The following ADARB2 variants were observed in gnomAD, a reference collection of about 807,000 sequenced individuals.
The protein encoded by ADARB2 is inactive double-stranded RNA-specific editase B2.
Under a neutral mutation model 62.2 loss-of-function variants are expected in ADARB2, and 25 were observed. That is an observed-to-expected ratio of 0.40 (90% CI 0.29 to 0.56). The LOEUF (loss-of-function observed/expected upper bound fraction) is 0.56, where lower values mean the gene tolerates loss of function less well. Among genes scored for constraint, ADARB2 ranks in the 20% least tolerant of loss-of-function variants. The pLI is 0.43. For synonymous variants in ADARB2, 572 were observed against 500.8 expected, an observed-to-expected ratio of 1.14 and a Z score of -1.90; for missense variants, 1,071 against 1,077.4, an observed-to-expected ratio of 0.99 and a Z score of 0.08.
chr10:1,569,768 T>TTTA (rs1554772524), intron 1 of ADARB2, among the ~76,000 whole-genome samples: 36 of 151,898 alleles, frequency 2.4e-4, no homozygotes, highest in African/African-American at 8.5e-4. Flanking sequence ...CATTTTTTTT[T>TTTA]AAAAAAATGT....
chr10:1,328,013 T>TCCTCACAGCACAGCACCTC (rs1172667059), intron 3 of ADARB2, among the ~76,000 whole-genome samples: 2 of 58,656 alleles, frequency 3.4e-5, no homozygotes, highest in Non-Finnish European at 8.4e-5. Flanking sequence ...GCCTCCGCAT[T>TCCTCACAGCACAGCACCTC]CTGGGGGCAC....
At chr10:1,364,444 C>T (rs1352269904) in intron 2 of ADARB2, among the ~76,000 whole-genome samples, 1 of 152,236 alleles carries the variant, frequency 6.6e-6, no homozygotes, top group East Asian at 1.9e-4. Flanking sequence ...GGAGCTGGCC[C>T]AGGTGAGGCA....
intron 4 of ADARB2, among the ~76,000 whole-genome samples, chr10:1,262,690 A>T (rs1037422651): frequency 6.6e-6 from 1 of 152,180 alleles, no homozygotes; most frequent in Non-Finnish European, 1.5e-5. Flanking sequence ...GTGGGACTGT[A>T]AACTAGTTCA....
In ADARB2 at chr10:1,633,515, A is replaced by G. The variant is rs551700768; in HGVS notation, c.100+103536T>C. Among the ~76,000 whole-genome samples the G allele has an allele frequency of 3.6e-5, 5 of 137,988 alleles. No individual in the cohort carries two copies. The East Asian group carries it at 1.1e-3, about 30-fold the overall frequency. 90.5% of individuals were successfully genotyped at this position (137,988 alleles called of 152,430 possible). A position where few individuals can be genotyped will look rare whatever the true frequency, so the allele number is the denominator to read the frequency against. On this transcript the variant is annotated intron_variant, in intron 1 of 9. Coordinates refer to ENST00000381312, the MANE Select transcript of ADARB2 (RefSeq NM_018702.4). ...GAACATCTCAGGTAAGGGATACTCA[A>G]TGAGTGAGTCTGTCTGTCTGTCTGT...
chr10:1,376,571 G>C (rs1832431253), intron 2 of ADARB2, among the ~76,000 whole-genome samples: 1 of 152,184 alleles, frequency 6.6e-6, no homozygotes, highest in African/African-American at 2.4e-5. Context: ...CCTCTCTCAG[G>C]AATCTCACGG....
chr10:1,187,134 G>T (rs1396782187), intron 8 of ADARB2, among the ~76,000 whole-genome samples: 2 of 152,258 alleles, frequency 1.3e-5, no homozygotes, highest in Non-Finnish European at 2.9e-5. Context: ...TCCCGTTCAT[G>T]TCAGCTCTTC....
intron 1 of ADARB2, among the ~76,000 whole-genome samples, chr10:1,566,850 A>C (rs913580747): frequency 1.3e-5 from 2 of 152,202 alleles, no homozygotes; most frequent in African/African-American, 4.8e-5. Context: ...CATTCTTTAA[A>C]ATTCTAACAT....
chr10:1,618,797 T>C (rs1833673879), intron 1 of ADARB2, among the ~76,000 whole-genome samples: 2 of 152,206 alleles, frequency 1.3e-5, no homozygotes, highest in Admixed American at 1.3e-4. Flanking sequence ...GAGAGATCAT[T>C]GTGGCAGGCT....
intron 3 of ADARB2, among the ~76,000 whole-genome samples, chr10:1,308,979 T>C (rs943264787): frequency 1.3e-5 from 2 of 152,218 alleles, no homozygotes; most frequent in Non-Finnish European, 2.9e-5. Flanking sequence ...ATTCCTAAGA[T>C]TTCCTACAGG....
chr10:1,670,039 G>A (rs533170047), intron 1 of ADARB2, among the ~76,000 whole-genome samples: 2 of 152,318 alleles, frequency 1.3e-5, no homozygotes, highest in South Asian at 2.1e-4. Flanking sequence ...ACACTTGACC[G>A]TGTCTCCAGT....
chr10:1,682,211 A>G (rs907197813), intron 1 of ADARB2, among the ~76,000 whole-genome samples: 2 of 152,194 alleles, frequency 1.3e-5, no homozygotes, highest in Admixed American at 6.5e-5. Flanking sequence ...GGAATAAGAG[A>G]GCACTGGGCG....
At chr10:1,628,478 G>C (rs1248297612) in intron 1 of ADARB2, among the ~76,000 whole-genome samples, 11 of 152,230 alleles carry the variant, frequency 7.2e-5, no homozygotes, top group Admixed American at 7.2e-4. Context: ...TTCTACATGA[G>C]AATGACACAG....
chr10:1,588,972 TA>T (rs749082239), intron 1 of ADARB2, among the ~76,000 whole-genome samples: 29 of 152,140 alleles, frequency 1.9e-4, no homozygotes, highest in South Asian at 4.1e-4. Context: ...ATCCACATTT[TA>T]AAAAGCTCCC....
intron 1 of ADARB2, among the ~76,000 whole-genome samples, chr10:1,559,872 C>T (rs1288581891): frequency 1.3e-5 from 2 of 152,324 alleles, no homozygotes; most frequent in East Asian, 1.9e-4. Context: ...TTCTCATCAT[C>T]GCTAGAGATG....
intron 1 of ADARB2, among the ~76,000 whole-genome samples, chr10:1,495,263 G>A (rs1373324124): frequency 6.6e-6 from 1 of 152,198 alleles, no homozygotes; most frequent in Non-Finnish European, 1.5e-5. Context: ...AAAGCAACCA[G>A]TTAGAAGATT....
intron 3 of ADARB2, among the ~76,000 whole-genome samples, chr10:1,288,845 G>A (rs537612451): frequency 2.3e-4 from 35 of 152,286 alleles, no homozygotes; most frequent in African/African-American, 7.2e-4. Context: ...GACATGTGAC[G>A]CGGTTGTCTA....
At chr10:1,240,494 A>T (rs1184014453) in intron 5 of ADARB2, 2 of 152,406 alleles carry the variant, frequency 1.3e-5, no homozygotes, top group Non-Finnish European at 2.9e-5. Context: ...TCTCCACAGG[A>T]AGTCCTTGCG....
intron 4 of ADARB2, among the ~76,000 whole-genome samples, chr10:1,265,504 G>T (rs1029467417): frequency 1.3e-5 from 2 of 152,242 alleles, no homozygotes; most frequent in Admixed American, 6.5e-5. Context: ...GGAGAGAAGG[G>T]GTGAGTGGGA....
intron 2 of ADARB2, among the ~76,000 whole-genome samples, chr10:1,368,022 T>C (rs1471634362): frequency 3.9e-5 from 6 of 152,264 alleles, no homozygotes; most frequent in African/African-American, 1.4e-4. Context: ...TGGGGGGTGA[T>C]ATCACCTGAT....
Sources: gnomAD v4.1 joint callset for allele counts (sites outside exome capture counted in the v4.1 genomes callset) on GRCh38, gnomAD v4.1.1 for gene constraint, MANE v1.5 for transcripts, NCBI Gene and HGNC (gene_info 2026-07-23, HGNC 2026-07-21) for gene names.